The following SGCD variants were observed in gnomAD, a reference collection of about 807,000 sequenced individuals.
The protein encoded by SGCD is delta-sarcoglycan.
A neutral mutation model predicts 36.6 loss-of-function variants in SGCD; 18 were observed. The observed-to-expected ratio is 0.49, with a 90% CI of 0.34 to 0.73. The LOEUF is 0.73. Ranked by LOEUF, SGCD falls within the 30% of genes least tolerant of loss-of-function variation. The pLI, the probability that SGCD is intolerant of heterozygous loss-of-function variation, is 0.01. For missense variants in SGCD, 387 were observed against 346.7 expected (o/e 1.12, Z -0.92); for synonymous variants, 133 against 130.6 (o/e 1.02, Z -0.12).
the SGCD span, among the ~76,000 whole-genome samples, chr5:155,820,028 T>C: frequency 6.6e-6 from 1 of 152,260 alleles, no homozygotes; most frequent in East Asian, 1.9e-4. Context: ...GATGAGATTG[T>C]TATTTGGAGC....
intron 7 of SGCD, among the ~76,000 whole-genome samples, chr5:156,712,955 C>T (rs1263167207): frequency 1.3e-5 from 2 of 152,188 alleles, no homozygotes; most frequent in African/African-American, 2.4e-5. Flanking sequence ...ATTCATGTCT[C>T]TCTTGCCATC....
At chr5:156,382,449 C>T (rs10475702) in intron 3 of SGCD, among the ~76,000 whole-genome samples, 8,042 of 152,190 alleles carry the variant, frequency 0.053, 746 homozygotes, top group African/African-American at 0.18. Flanking sequence ...TAATGGAGAA[C>T]ACTCTTTGGT....
At chr5:156,557,091 C>T (rs1433698189) in intron 4 of SGCD, among the ~76,000 whole-genome samples, 1 of 152,120 alleles carries the variant, frequency 6.6e-6, no homozygotes, top group East Asian at 1.9e-4. Context: ...AGAAGTATTC[C>T]TCATTTGAGA....
intron 7 of SGCD, among the ~76,000 whole-genome samples, chr5:156,742,802 C>T (rs1369477206): frequency 6.6e-6 from 1 of 151,232 alleles, no homozygotes; most frequent in East Asian, 1.9e-4. Flanking sequence ...CTCAAGTAGG[C>T]AGGCAGGCAG....
At position 155,966,820 on chromosome 5, in the gene SGCD, A is replaced by C. The variant is rs965648872; in HGVS notation, c.-282+96396A>C. Among the ~76,000 whole-genome samples, 3 of 152,108 alleles carry C rather than the reference A, an allele frequency of 2.0e-5. No homozygotes were observed. The East Asian group carries it at 5.8e-4, about 29-fold the overall frequency. ...TGTATCAGGTAGCAGATGATCAGCA[A>C]ATGTTAATGAACTTCGTATGGTTCC... On this transcript the variant is annotated intron_variant, in intron 1 of 9. Coordinates refer to the SGCD transcript ENST00000517913.
intron 3 of SGCD, among the ~76,000 whole-genome samples, chr5:156,140,515 C>T (rs1057156338): frequency 6.6e-6 from 1 of 152,126 alleles, no homozygotes; most frequent in African/African-American, 2.4e-5. Context: ...AAAGAACTGG[C>T]CGAGATGTTT....
At chr5:156,465,799 C>T (rs978075333) in intron 3 of SGCD, among the ~76,000 whole-genome samples, 1 of 152,176 alleles carries the variant, frequency 6.6e-6, no homozygotes, top group Non-Finnish European at 1.5e-5. Context: ...AGATTTGGCA[C>T]CGGAGGAAAT....
chr5:156,374,641 A>G (rs1200990277), intron 3 of SGCD, among the ~76,000 whole-genome samples: 1 of 151,272 alleles, frequency 6.6e-6, no homozygotes, highest in Non-Finnish European at 1.5e-5. Flanking sequence ...TGCATGAATA[A>G]ACAATACAAA....
chr5:156,303,304 C>T (rs1265552685), intron 3 of SGCD, among the ~76,000 whole-genome samples: 13 of 152,118 alleles, frequency 8.5e-5, no homozygotes, highest in Admixed American at 8.5e-4. Flanking sequence ...TTGATGTTCA[C>T]TCTAGGCCCA....
intron 3 of SGCD, among the ~76,000 whole-genome samples, chr5:156,496,749 T>C (rs1024175186): frequency 1.3e-5 from 2 of 152,112 alleles, no homozygotes; most frequent in African/African-American, 4.8e-5. Flanking sequence ...AAACCAATCA[T>C]ATGTAGGGAA....
At position 156,344,564 on chromosome 5, in the gene SGCD, A is replaced by G. The variant is rs373824540; in HGVS notation, c.79A>G (p.Ile27Val). Residue 27 changes from isoleucine to valine, a missense_variant, in exon 3 of 9, where the codon ATT becomes GTT. Physicochemically the swap from Ile to Val is conservative, Grantham distance 29 (BLOSUM62 3). Coordinates refer to ENST00000337851, the MANE Select transcript of SGCD (RefSeq NM_000337.6). ...SVGPQVYKVG[I>V]YGWRKRCLYF... is the part of the protein sequence containing the mutation. The stretch of plus-strand genomic sequence containing the variant: ...GGGGCCACAGGTATACAAGGTGGGG[A>G]TTTATGGCTGGCGGAAACGATGCCT... 3 of 1,612,336 alleles carry G rather than the reference A, an allele frequency of 1.9e-6. No individual in the cohort carries two copies. In the African/African-American group the frequency reaches 4.0e-5, roughly 22 times the overall value.
In SGCD at chr5:156,692,951, T is replaced by A. The variant is rs1008369891; in HGVS notation, c.575+45415T>A. ...TATGCACTAACCGTGTGCCAGACAC[T>A]ATACACAGCACAGTCACCTCCTTTT... On this transcript the variant is annotated intron_variant, in intron 7 of 8. Coordinates refer to ENST00000337851, the MANE Select transcript of SGCD (RefSeq NM_000337.6). Among the ~76,000 whole-genome samples, 6 of 152,190 alleles carry A rather than the reference T, an allele frequency of 3.9e-5. 1 individual carries two copies. Among genetic ancestry groups the A allele is most frequent in the Admixed American group, 1.3e-4 (2 of 15,270 alleles).
At chr5:155,827,639 C>T in the SGCD span, among the ~76,000 whole-genome samples, 1 of 149,814 alleles carries the variant, frequency 6.7e-6, no homozygotes, top group Non-Finnish European at 1.5e-5. Flanking sequence ...GATAATCTTT[C>T]AGCCGGGCAC....
At chr5:156,360,701 G>T (rs1011313009) in intron 3 of SGCD, among the ~76,000 whole-genome samples, 6 of 152,072 alleles carry the variant, frequency 3.9e-5, no homozygotes, top group African/African-American at 1.4e-4. Context: ...ACTGGACTTT[G>T]GAGAAGAGAT....
At chr5:156,078,636 A>G (rs748925498) in intron 1 of SGCD, among the ~76,000 whole-genome samples, 1 of 146,326 alleles carries the variant, frequency 6.8e-6, no homozygotes, top group East Asian at 1.9e-4. Context: ...ATACACACAC[A>G]TATTTATATA....
At chr5:156,206,895 A>AT (rs139430324) in intron 3 of SGCD, among the ~76,000 whole-genome samples, 2,353 of 151,296 alleles carry the variant, frequency 0.016, 25 homozygotes, top group Non-Finnish European at 0.026. Flanking sequence ...ACTGATAGTT[A>AT]TTTTTTTTTC....
At chr5:155,809,542 A>G in the SGCD span, among the ~76,000 whole-genome samples, 2 of 152,176 alleles carry the variant, frequency 1.3e-5, no homozygotes, top group Non-Finnish European at 2.9e-5. Flanking sequence ...TAATACCTGA[A>G]TGTGTGATCA....
At chr5:155,771,398 A>G in the SGCD span, among the ~76,000 whole-genome samples, 17 of 150,686 alleles carry the variant, frequency 1.1e-4, no homozygotes, top group Non-Finnish European at 2.1e-4. Flanking sequence ...GTAGGTATGC[A>G]CCATCATGCC....
At chr5:155,761,640 A>C in the SGCD span, among the ~76,000 whole-genome samples, 16 of 104,022 alleles carry the variant, frequency 1.5e-4, no homozygotes, top group Middle Eastern at 8.2e-3. Flanking sequence ...CTCCATCATC[A>C]TCTCCATCAT....
Sources: gnomAD v4.1 joint callset for allele counts (sites outside exome capture counted in the v4.1 genomes callset) on GRCh38, gnomAD v4.1.1 for gene constraint, MANE v1.5 for transcripts, NCBI Gene and HGNC (gene_info 2026-07-23, HGNC 2026-07-21) for gene names.